Variants in RAD51B observed in about 807,000 individuals in gnomAD.
The protein encoded by RAD51B is DNA repair protein RAD51 homolog 2.
Under a neutral mutation model 42.2 loss-of-function variants are expected in RAD51B, and 38 were observed. The ratio of observed to expected loss-of-function variants is 0.90; its 90% CI spans 0.70 to 1.18. The LOEUF is 1.18. Among genes scored for constraint, RAD51B ranks in the 50% most tolerant of loss-of-function variants. The pLI is 0.00. For missense variants in RAD51B, 373 were observed against 400.7 expected, an observed-to-expected ratio of 0.93 and a Z score of 0.59; for synonymous variants, 154 against 145.2, an observed-to-expected ratio of 1.06 and a Z score of -0.43.
At chr14:67,825,653 C>A in intron 3 of RAD51B, 76 bp downstream of exon 3, 1 of 1,091,020 alleles carries the variant, frequency 9.2e-7, no homozygotes, top group Admixed American at 2.7e-5. Context: ...AGGGATGAGG[C>A]ACATGCAGAA....
intron 7 of RAD51B, among the ~76,000 whole-genome samples, chr14:68,131,042 G>A (rs2077880496): frequency 6.6e-6 from 1 of 152,112 alleles, no homozygotes; most frequent in East Asian, 1.9e-4. Context: ...TCCAAATTTA[G>A]AATTATTAAA....
At chr14:68,258,431 A>ACACACTCT (rs1555382630) in intron 7 of RAD51B, among the ~76,000 whole-genome samples, 40 of 148,998 alleles carry the variant, frequency 2.7e-4, no homozygotes, top group African/African-American at 8.9e-4. Flanking sequence ...ACACACACAC[A>ACACACTCT]CTCTCTCTCT....
intron 10 of RAD51B, among the ~76,000 whole-genome samples, chr14:68,588,059 G>A (rs748725352): frequency 6.6e-5 from 10 of 152,176 alleles, no homozygotes; most frequent in Non-Finnish European, 1.3e-4. Context: ...GCTGGCCAGC[G>A]GACACAGGCA....
At chr14:68,147,410 C>T (rs765320135) in intron 7 of RAD51B, among the ~76,000 whole-genome samples, 1 of 152,114 alleles carries the variant, frequency 6.6e-6, no homozygotes, top group Non-Finnish European at 1.5e-5. Context: ...CTTCTATATT[C>T]TGCTTGAAAT....
chr14:68,509,343 G>A (rs991211684), intron 10 of RAD51B, among the ~76,000 whole-genome samples: 1 of 152,212 alleles, frequency 6.6e-6, no homozygotes, highest in Non-Finnish European at 1.5e-5. Flanking sequence ...ATGGACAGAG[G>A]ACCATGCTGT....
In RAD51B at chr14:68,668,630, G is replaced by C. The variant is rs1269899573; in HGVS notation, c.*11+17774G>C. On this transcript the variant is annotated intron_variant, in intron 11 of 11. Coordinates refer to the RAD51B transcript ENST00000488612. ...GGATCTATTTGTCACTACAGCAGTA[G>C]CCATTCCCATTCTGACTAAGGTAGA... Among the ~76,000 whole-genome samples, 7 of 152,342 alleles carry C rather than the reference G, an allele frequency of 4.6e-5. 1 individual carries two copies. The highest frequency in any genetic ancestry group is 3.9e-4 in the Admixed American group (6 of 15,294).
intron 7 of RAD51B, among the ~76,000 whole-genome samples, chr14:68,051,743 T>A (rs767972312): frequency 1.3e-5 from 2 of 152,008 alleles, no homozygotes; most frequent in Non-Finnish European, 2.9e-5. Flanking sequence ...GGACTACAGG[T>A]GCACATGACC....
intron 7 of RAD51B, among the ~76,000 whole-genome samples, chr14:68,031,764 C>T (rs1293887176): frequency 2.0e-5 from 3 of 152,194 alleles, no homozygotes; most frequent in Non-Finnish European, 4.4e-5. Flanking sequence ...TCTTGATCCT[C>T]AGCAAATAAC....
intron 7 of RAD51B, among the ~76,000 whole-genome samples, chr14:68,071,808 C>G (rs1302871528): frequency 6.6e-6 from 1 of 151,516 alleles, no homozygotes; most frequent in Admixed American, 6.6e-5. Context: ...CTCTTCTCCC[C>G]AGTTTTCTGG....
intron 10 of RAD51B, among the ~76,000 whole-genome samples, chr14:68,592,976 T>C (rs2257111): frequency 0.2 from 30,269 of 152,026 alleles, 3,189 homozygotes; most frequent in Non-Finnish European, 0.23. Flanking sequence ...ATGAGGGACC[T>C]TGCATCCTAG....
At chr14:67,893,740 G>A (rs931812435) in intron 7 of RAD51B, among the ~76,000 whole-genome samples, 2 of 152,078 alleles carry the variant, frequency 1.3e-5, no homozygotes, top group African/African-American at 4.8e-5. Context: ...ATGAGTAGAA[G>A]TTGGCTCTGG....
At chr14:68,331,586 C>G (rs973082734) in intron 8 of RAD51B, among the ~76,000 whole-genome samples, 1 of 152,056 alleles carries the variant, frequency 6.6e-6, no homozygotes, top group Non-Finnish European at 1.5e-5. Flanking sequence ...ATCCACATAT[C>G]TACTAATTAG....
At chr14:68,606,281 G>A (rs775564165) in intron 10 of RAD51B, among the ~76,000 whole-genome samples, 10 of 152,150 alleles carry the variant, frequency 6.6e-5, no homozygotes, top group Non-Finnish European at 1.3e-4. Context: ...GAAGAGCCAA[G>A]CCAGGCTTCT....
chr14:68,560,174 C>G (rs1889069693), intron 10 of RAD51B, among the ~76,000 whole-genome samples: 1 of 152,190 alleles, frequency 6.6e-6, no homozygotes, highest in Non-Finnish European at 1.5e-5. Context: ...CTTTTCCCAT[C>G]AAATGGGCTG....
intron 8 of RAD51B, among the ~76,000 whole-genome samples, chr14:68,299,763 G>A (rs1404287947): frequency 6.6e-6 from 1 of 152,152 alleles, no homozygotes; most frequent in Non-Finnish European, 1.5e-5. Flanking sequence ...CTTTTGTAAG[G>A]ATACAATTGA....
intron 7 of RAD51B, among the ~76,000 whole-genome samples, chr14:68,083,182 CA>C (rs1184094154): frequency 6.6e-6 from 1 of 152,128 alleles, no homozygotes; most frequent in Admixed American, 6.5e-5. Context: ...AAATGGGAAC[CA>C]CCTAAGATCT....
At chr14:68,636,380 C>T (rs61987105) in intron 10 of RAD51B, among the ~76,000 whole-genome samples, 10,952 of 151,986 alleles carry the variant, frequency 0.072, 520 homozygotes, top group South Asian at 0.14. Flanking sequence ...GTCAGGAGTT[C>T]GAGACCAGCC....
At chr14:68,665,969 A>G (rs149301473) in intron 11 of RAD51B, among the ~76,000 whole-genome samples, 171 of 152,346 alleles carry the variant, frequency 1.1e-3, no homozygotes, top group African/African-American at 3.7e-3. Flanking sequence ...CATCTGATCA[A>G]TCAGAGCCAA....
intron 7 of RAD51B, among the ~76,000 whole-genome samples, chr14:67,980,849 C>T (rs1000174617): frequency 6.6e-5 from 10 of 152,020 alleles, no homozygotes; most frequent in Non-Finnish European, 1.3e-4. Flanking sequence ...TATATGCCTC[C>T]GAAAGCACAA....
Sources: gnomAD v4.1 joint callset for allele counts (sites outside exome capture counted in the v4.1 genomes callset) on GRCh38, gnomAD v4.1.1 for gene constraint, MANE v1.5 for transcripts, NCBI Gene and HGNC (gene_info 2026-07-23, HGNC 2026-07-21) for gene names.